RABGAP1L: variants seen among roughly 807,000 people sequenced by gnomAD.
The protein encoded by RABGAP1L is RAB GTPase activating protein 1 like, also known as rab GTPase-activating protein 1-like.
In RABGAP1L, 63 loss-of-function variants were observed where a neutral mutation model predicts 137.7. The ratio of observed to expected loss-of-function variants is 0.46; its 90% confidence interval spans 0.37 to 0.56. The LOEUF (loss-of-function observed/expected upper bound fraction) is 0.56, where lower values mean the gene tolerates loss of function less well. Ranked by LOEUF, RABGAP1L falls within the 20% of genes least tolerant of loss-of-function variation. RABGAP1L has a pLI of 0.00. For missense variants in RABGAP1L, 1,095 were observed against 1,244.0 expected (o/e 0.88, Z 1.80); for synonymous variants, 431 against 433.7 (o/e 0.99, Z 0.08).
rs561236536 is a variant in RABGAP1L at position 174,237,172 on chromosome 1, G to A, written c.543-4311G>A. 3.9e-3 allele frequency among the ~76,000 whole-genome samples: 591 copies of A among 151,274 alleles called. 3 individuals are homozygous for A. The highest frequency in any genetic ancestry group is 0.013 in the African/African-American group (547 of 41,016). On this transcript the variant is annotated intron_variant, in intron 4 of 25. Coordinates refer to ENST00000681986, the MANE Select transcript of RABGAP1L (RefSeq NM_001366446.1). The stretch of plus-strand genomic sequence containing the variant: ...TTTGAGCCTATGTGTGTCTCTGCAC[G>A]TGAGATGGGTTTCCTGAATACAGCA...
chr1:174,550,939 T>C (rs1340301852), intron 13 of RABGAP1L, among the ~76,000 whole-genome samples: 1 of 132,208 alleles, frequency 7.6e-6, no homozygotes, highest in Non-Finnish European at 1.6e-5. Context: ...TATACACATA[T>C]ATATACACAC....
intron 18 of RABGAP1L, among the ~76,000 whole-genome samples, chr1:174,807,559 T>C (rs1689432772): frequency 6.6e-6 from 1 of 152,162 alleles, no homozygotes; most frequent in African/African-American, 2.4e-5. Context: ...ACAAAGGCAT[T>C]TGAGGTAATA....
At chr1:174,602,495 C>T (rs1670489509) in intron 13 of RABGAP1L, among the ~76,000 whole-genome samples, 1 of 152,192 alleles carries the variant, frequency 6.6e-6, no homozygotes, top group Non-Finnish European at 1.5e-5. Flanking sequence ...CCTCCCACAA[C>T]ACGTGGAAAT....
chr1:174,934,337 C>T lies in RABGAP1L; in HGVS notation c.2341-23120C>T, dbSNP rs1054470255. On this transcript the variant is annotated intron_variant, in intron 19 of 25. Transcript: ENST00000681986. The stretch of plus-strand genomic sequence containing the variant: ...TCCTGACCTCAGGTGATCCACCTGC[C>T]TCGGCCTCCCAGGTGCTGGGATTAC... 3.3e-5 allele frequency among the ~76,000 whole-genome samples: 5 copies of T among 152,128 alleles called. 1 individual carries two copies. Among genetic ancestry groups the T allele is most frequent in the Admixed American group, 3.3e-4 (5 of 15,276 alleles).
At chr1:174,887,501 C>G (rs1655358514) in intron 19 of RABGAP1L, among the ~76,000 whole-genome samples, 1 of 152,008 alleles carries the variant, frequency 6.6e-6, no homozygotes, top group Admixed American at 6.6e-5. Flanking sequence ...TTTTCCCCAT[C>G]CCTTCCAAAG....
chr1:174,177,640 C>T (rs1665996178), intron 1 of RABGAP1L, among the ~76,000 whole-genome samples: 1 of 152,164 alleles, frequency 6.6e-6, no homozygotes, highest in Non-Finnish European at 1.5e-5. Flanking sequence ...TTTAATCCAT[C>T]TTTAGTTAAT....
At chr1:174,169,389 G>C (rs976200199) in intron 1 of RABGAP1L, among the ~76,000 whole-genome samples, 1 of 151,958 alleles carries the variant, frequency 6.6e-6, no homozygotes, top group Non-Finnish European at 1.5e-5. Flanking sequence ...ATCATGTCTG[G>C]TTAATTGTTG....
rs951703850 is a variant in RABGAP1L at position 174,952,364 on chromosome 1, A to T, written c.2341-5093A>T. ...CAAAAAAAAAAAAAAAAAAAAAAAA[A>T]GCTAGGCATGGTGGTGTGCCCCTAT... On this transcript the variant is annotated intron_variant, in intron 19 of 25. Transcript: ENST00000681986. Among the ~76,000 whole-genome samples the T allele has an allele frequency of 5.2e-3, 759 of 146,406 alleles. 2 individuals carry two copies. The highest frequency in any genetic ancestry group is 8.9e-3 in the Non-Finnish European group (587 of 66,192).
At chr1:174,904,138 T>A in intron 19 of RABGAP1L, among the ~76,000 whole-genome samples, 1 of 152,068 alleles carries the variant, frequency 6.6e-6, no homozygotes, top group East Asian at 1.9e-4. Context: ...TCCAAGGTTC[T>A]GCTCTCTCCC....
intron 5 of RABGAP1L, chr1:174,246,227 A>G (rs1220444521): frequency 1.3e-5 from 2 of 152,322 alleles, no homozygotes; most frequent in East Asian, 1.9e-4. Context: ...TGCCTCTTCA[A>G]AAACAACAGC....
chr1:174,665,438 C>T (rs1030227557), intron 14 of RABGAP1L, among the ~76,000 whole-genome samples: 14 of 149,912 alleles, frequency 9.3e-5, no homozygotes, highest in Non-Finnish European at 1.3e-4. Flanking sequence ...CGCCCCGCCC[C>T]GCCCCGCCCC....
intron 17 of RABGAP1L, among the ~76,000 whole-genome samples, chr1:174,727,924 A>G (rs2148612543): frequency 6.6e-6 from 1 of 152,320 alleles, no homozygotes; most frequent in East Asian, 1.9e-4. Context: ...TCTTTGTAGA[A>G]GAGGAAAGGA....
intron 13 of RABGAP1L, among the ~76,000 whole-genome samples, chr1:174,590,193 T>A (rs917775754): frequency 3.5e-5 from 5 of 142,250 alleles, no homozygotes; most frequent in Non-Finnish European, 4.6e-5. Flanking sequence ...TTACCATGTC[T>A]CAGGTGTTCC....
intron 19 of RABGAP1L, among the ~76,000 whole-genome samples, chr1:174,813,529 TGTTAAAAAGTACA>T (rs1468590230): frequency 2.0e-5 from 3 of 152,174 alleles, no homozygotes; most frequent in African/African-American, 4.8e-5. Flanking sequence ...AAATTATAAA[TGTTAAAAAGTACA>T]GTTAAAAAGT....
chr1:174,188,745 A>AC (rs1305430146), intron 1 of RABGAP1L, among the ~76,000 whole-genome samples: 1 of 152,246 alleles, frequency 6.6e-6, no homozygotes, highest in Non-Finnish European at 1.5e-5. Context: ...GTGGGTCTCA[A>AC]CAATGGTTTT....
At chr1:174,651,482 A>C (rs1675483060) in intron 14 of RABGAP1L, among the ~76,000 whole-genome samples, 1 of 152,110 alleles carries the variant, frequency 6.6e-6, no homozygotes, top group South Asian at 2.1e-4. Flanking sequence ...GTCTCTTGGT[A>C]GGTCACTCAG....
intron 13 of RABGAP1L, among the ~76,000 whole-genome samples, chr1:174,409,289 A>G (rs1649631040): frequency 6.6e-6 from 1 of 152,188 alleles, no homozygotes; most frequent in African/African-American, 2.4e-5. Flanking sequence ...ATCTCTGAAC[A>G]TAAATTGTGA....
intron 19 of RABGAP1L, among the ~76,000 whole-genome samples, chr1:174,871,073 A>T (rs1200110807): frequency 6.6e-6 from 1 of 151,550 alleles, no homozygotes; most frequent in African/African-American, 2.4e-5. Flanking sequence ...TCATTGTTAT[A>T]GATTATTTGT....
intron 13 of RABGAP1L, among the ~76,000 whole-genome samples, chr1:174,514,260 A>AC (rs1245380567): frequency 6.6e-6 from 1 of 151,122 alleles, no homozygotes; most frequent in African/African-American, 2.4e-5. Context: ...AAAAAAAAAA[A>AC]AAAAAAAAAA....
Sources: gnomAD v4.1 joint callset for allele counts (sites outside exome capture counted in the v4.1 genomes callset) on GRCh38, gnomAD v4.1.1 for gene constraint, MANE v1.5 for transcripts, NCBI Gene and HGNC (gene_info 2026-07-23, HGNC 2026-07-21) for gene names.